Variants in EML2 observed in about 807,000 individuals in gnomAD.
EML2 encodes the protein echinoderm microtubule-associated protein-like 2.
A neutral mutation model predicts 84.7 loss-of-function variants in EML2; 59 were observed. The ratio of observed to expected loss-of-function variants is 0.70; its 90% CI spans 0.56 to 0.86. The LOEUF (loss-of-function observed/expected upper bound fraction) is 0.86, where lower values mean the gene tolerates loss of function less well. EML2 is among the 40% of genes least tolerant of loss of function. The pLI is 0.00. For missense variants in EML2, 818 were observed against 855.6 expected, an observed-to-expected ratio of 0.96 and a Z score of 0.55; for synonymous variants, 352 against 348.9, an observed-to-expected ratio of 1.01 and a Z score of -0.10.
At chr19:45,615,777 T>C in intron 16 of EML2, 25 bp downstream of exon 16, 2 of 1,588,674 alleles carry the variant, frequency 1.3e-6, no homozygotes, top group Non-Finnish European at 1.7e-6. Flanking sequence ...GAGGAAGTAA[T>C]GTCTCTGGGT....
rs372156389 is a variant in EML2 at position 45,621,272 on chromosome 19, C to T, written c.1057G>A (p.Val353Met). 129 of 1,613,828 alleles carry T rather than the reference C, an allele frequency of 8.0e-5. No individual in the cohort carries two copies. The highest frequency in any genetic ancestry group is 2.9e-4 in the African/African-American group (22 of 74,898). ...VAEGHGDTLY[V>M]GTTRNSILQG... ...AGGATGGAATTGCGGGTGGTCCCCA[C>T]GTACAGTGTGTCTCCGTGGCCCTCT... is the stretch of plus-strand genomic sequence containing the variant. The change falls in exon 11 of 19, where the codon GTG (valine) becomes ATG (methionine). Residue 353 changes from valine to methionine, a missense_variant. Val to Met is a conservative substitution (Grantham distance 21). Coordinates refer to ENST00000245925, the MANE Select transcript of EML2 (RefSeq NM_012155.4).
At chr19:45,634,688 A>T (rs964163548) in intron 3 of EML2, among the ~76,000 whole-genome samples, 2 of 151,778 alleles carry the variant, frequency 1.3e-5, no homozygotes, top group African/African-American at 4.8e-5. Context: ...CAGCCTCCTG[A>T]GTAGCTGGGA....
At chr19:45,617,533 G>A (rs554118202) in intron 13 of EML2, 97 bp downstream of exon 13, 543 of 1,126,396 alleles carry the variant, frequency 4.8e-4, no homozygotes, top group East Asian at 2.4e-3. Context: ...ATCAGGGCTC[G>A]GTAAATAGTG....
intron 8 of EML2, among the ~76,000 whole-genome samples, chr19:45,626,108 C>G (rs1051089299): frequency 6.6e-6 from 1 of 152,074 alleles, no homozygotes; most frequent in Admixed American, 6.6e-5. Context: ...AACTTCTGGG[C>G]TCAAGGGATC....
chr19:45,619,111 C>G lies in EML2; in HGVS notation c.1203G>C (p.Val401=). ...GGTGGGAATCTGAGCTCCATAGATGCACCAGCTTATCCTGCCCGCAGGTCA... is the reference window on the plus strand; with the variant it reads ...GGTGGGAATCTGAGCTCCATAGATGGACCAGCTTATCCTGCCCGCAGGTCA... The part of the protein sequence containing the change: ...QFVTCGQDKL[V]HLWSSDSHQP... Residue 401 remains valine (V), a synonymous_variant, in exon 12 of 19, where the codon GTG becomes GTC. Coordinates refer to ENST00000245925, the MANE Select transcript of EML2 (RefSeq NM_012155.4). 1 of 1,613,488 alleles carries G rather than the reference C, an allele frequency of 6.2e-7. No individual in the cohort carries two copies. Among genetic ancestry groups the G allele is most frequent in the Non-Finnish European group, 8.5e-7 (1 of 1,179,886 alleles).
At chr19:45,637,518 GC>G (rs2122795602) in intron 3 of EML2, among the ~76,000 whole-genome samples, 1 of 128,874 alleles carries the variant, frequency 7.8e-6, no homozygotes, top group South Asian at 2.5e-4. Context: ...TCGCTCTGTC[GC>G]CCAGGCTGGA....
Position 45,609,786 on chromosome 19 carries a change from G to A in EML2, c.1827C>T (p.Ala609=), listed in dbSNP as rs770650644. The change falls in exon 19 of 19, where the codon GCC becomes GCT. Residue 609 remains alanine, a splice_region_variant and synonymous_variant. Coordinates refer to ENST00000245925, the MANE Select transcript of EML2 (RefSeq NM_012155.4). ...LFSYPCCQPR[A]LSHKYGGHSS... ...TGTGTCCACCGTACTTGTGGCTGAG[G>A]GCCTGTTACAAGGAAAGAAGTAAGT... The A allele has an allele frequency of 1.2e-6, 2 of 1,611,974 alleles. No individual in the cohort carries two copies. The highest frequency in any genetic ancestry group is 1.1e-5 in the South Asian group (1 of 90,794).
At chr19:45,641,825 T>C, upstream of EML2, 5 of 1,507,118 alleles carry the variant, frequency 3.3e-6, no homozygotes, top group Non-Finnish European at 4.4e-6. Context: ...AGATTCTCCC[T>C]GCACCCTCTG....
rs748076682 is a variant in EML2, at chr19:45,609,774, C to A, written c.1839G>T (p.Lys613Asn). 14 of 1,612,248 alleles carry A rather than the reference C, an allele frequency of 8.7e-6. No homozygotes were observed. The highest frequency in any genetic ancestry group is 1.1e-5 in the Non-Finnish European group (13 of 1,179,380). ...PCCQPRALSH[K>N]YGGHSSHVTN... ...TCACATGGCTGCTGTGTCCACCGTA[C>A]TTGTGGCTGAGGGCCTGTTACAAGG... Residue 613 changes from lysine (K) to asparagine (N), a missense_variant, in exon 19 of 19, where the codon AAG becomes AAT. Lys to Asn is a moderately conservative substitution (Grantham distance 94). Transcript: ENST00000245925.
upstream of EML2, chr19:45,641,024 A>T (rs1974424597): frequency 6.6e-6 from 1 of 152,628 alleles, no homozygotes; most frequent in South Asian, 2.0e-4. Flanking sequence ...ATTTTCACGT[A>T]TTCCTTATGT....
At chr19:45,624,689 T>C in intron 9 of EML2, 30 bp downstream of exon 9, 1 of 1,562,384 alleles carries the variant, frequency 6.4e-7, no homozygotes, top group South Asian at 1.1e-5. Context: ...AAGACTGGAT[T>C]GGGAACCAAA....
At position 45,609,741 on chromosome 19, in the gene EML2, C is replaced by T. The variant is rs200762252; in HGVS notation, c.1872G>A (p.Val624=). The T allele has an allele frequency of 2.5e-6, 4 of 1,613,400 alleles. No individual in the cohort carries two copies. In the East Asian group the frequency reaches 8.9e-5, roughly 36 times the overall value. The part of the protein sequence containing the change: ...YGGHSSHVTN[V]AFLWDDSMAL... The stretch of plus-strand genomic sequence containing the variant: ...CCATGCTGTCATCCCACAAGAAGGC[C>T]ACATTTGTCACATGGCTGCTGTGTC... Residue 624 remains valine, a synonymous_variant, in exon 19 of 19, where the codon GTG becomes GTA. Coordinates refer to ENST00000245925, the MANE Select transcript of EML2 (RefSeq NM_012155.4).
In EML2 at chr19:45,626,689, A is replaced by G. The variant is rs1376521704; in HGVS notation, c.741+16T>C. ...TCTCTCAGGGCCAGCCTGTCCCCCA[A>G]ACCCCTGGCACTCACCTCAAAGAGG... On this transcript the variant is annotated intron_variant, in intron 8 of 18. Coordinates refer to ENST00000245925, the MANE Select transcript of EML2 (RefSeq NM_012155.4). The G allele has an allele frequency of 1.2e-6, 2 of 1,603,446 alleles. 1 individual carries two copies. The highest frequency in any genetic ancestry group is 2.2e-5 in the South Asian group (2 of 90,466).
intron 3 of EML2, among the ~76,000 whole-genome samples, chr19:45,636,509 G>A (rs1308208695): frequency 2.0e-5 from 3 of 152,118 alleles, no homozygotes; most frequent in Non-Finnish European, 4.4e-5. Context: ...TGTCCCTGTG[G>A]ATTCCCCATC....
chr19:45,616,601 C>T (rs768511496), intron 14 of EML2, 43 bp from the exon 15 acceptor site: 2 of 1,523,982 alleles, frequency 1.3e-6, no homozygotes, highest in South Asian at 2.3e-5. Context: ...ACCCAGGCTC[C>T]ATCCCCTCCT....
chr19:45,634,174 G>A, intron 4 of EML2, 148 bp downstream of exon 4: 1 of 889,362 alleles, frequency 1.1e-6, no homozygotes, highest in South Asian at 1.7e-5. Context: ...CAGCCTGAGG[G>A]CAGCTGGTGG....
At chr19:45,645,467 T>A (rs1368298353), upstream of EML2, 1 of 1,406,432 alleles carries the variant, frequency 7.1e-7, no homozygotes, top group East Asian at 2.9e-5. Context: ...TCGCCTGGCA[T>A]CAGGCGGCCG....
chr19:45,626,577 G>T, intron 8 of EML2, 128 bp downstream of exon 8: 1 of 1,066,750 alleles, frequency 9.4e-7, no homozygotes, highest in Non-Finnish European at 1.3e-6. Context: ...TGAGGCCCCA[G>T]CAGGCAACAT....
At chr19:45,643,716 G>A, upstream of EML2, 1 of 1,533,126 alleles carries the variant, frequency 6.5e-7, no homozygotes, top group South Asian at 1.2e-5. Flanking sequence ...CTGGCCCTCT[G>A]GGCTCCGCAG....
Sources: allele counts gnomAD v4.1 joint callset (sites outside exome capture counted in the v4.1 genomes callset), GRCh38; gene constraint gnomAD v4.1.1; transcripts MANE v1.5; gene names NCBI Gene and HGNC (gene_info 2026-07-23, HGNC 2026-07-21).